PTPN13: variants seen among roughly 807,000 people sequenced by gnomAD.
The protein encoded by PTPN13 is protein tyrosine phosphatase non-receptor type 13.
Under a neutral mutation model 284.0 loss-of-function variants are expected in PTPN13, and 191 were observed. That is an observed-to-expected ratio of 0.67 (90% CI 0.60 to 0.76). The LOEUF (loss-of-function observed/expected upper bound fraction) is 0.76. Ranked by LOEUF, PTPN13 falls within the 30% of genes least tolerant of loss-of-function variation. The pLI is 0.00. For missense variants in PTPN13, 2,797 were observed against 2,939.9 expected, an observed-to-expected ratio of 0.95 and a Z score of 1.12; for synonymous variants, 986 against 1,022.3, an observed-to-expected ratio of 0.96 and a Z score of 0.68.
intron 6 of PTPN13, among the ~76,000 whole-genome samples, chr4:86,696,024 AG>A (rs929409871): frequency 1.3e-5 from 2 of 152,022 alleles, no homozygotes; most frequent in African/African-American, 4.8e-5. Context: ...AACATAATTT[AG>A]ATTTTATTAC....
At chr4:86,626,968 A>G (rs531830651) in intron 1 of PTPN13, among the ~76,000 whole-genome samples, 2 of 152,270 alleles carry the variant, frequency 1.3e-5, no homozygotes, top group East Asian at 3.9e-4. Context: ...AATGTTCTAA[A>G]CAGGTGAATG....
chr4:86,778,229 T>C (rs1740873175), intron 35 of PTPN13, among the ~76,000 whole-genome samples: 1 of 152,264 alleles, frequency 6.6e-6, no homozygotes, highest in Non-Finnish European at 1.5e-5. Context: ...CCTTGGTTTA[T>C]GACTTCCTTC....
chr4:86,691,378 T>C (rs1730011002), intron 5 of PTPN13, among the ~76,000 whole-genome samples: 1 of 152,048 alleles, frequency 6.6e-6, no homozygotes, highest in South Asian at 2.1e-4. Flanking sequence ...GGGTGTATTG[T>C]GGGGTTATTT....
intron 1 of PTPN13, among the ~76,000 whole-genome samples, chr4:86,605,266 A>G (rs1764649964): frequency 6.6e-6 from 1 of 151,964 alleles, no homozygotes; most frequent in Non-Finnish European, 1.5e-5. Flanking sequence ...AGGCTAAAGA[A>G]AAGTAGAACA....
chr4:86,714,900 G>A (rs1410081451), intron 7 of PTPN13, among the ~76,000 whole-genome samples: 1 of 152,130 alleles, frequency 6.6e-6, no homozygotes, highest in Non-Finnish European at 1.5e-5. Context: ...TAGTGTAAGA[G>A]TTGCAATTAA....
intron 3 of PTPN13, among the ~76,000 whole-genome samples, chr4:86,681,800 T>C (rs1366081379): frequency 1.3e-5 from 2 of 151,942 alleles, no homozygotes; most frequent in Non-Finnish European, 2.9e-5. Context: ...TGGTGGCAGG[T>C]GCCTGTAATC....
At chr4:86,704,260 G>A (rs936365393) in intron 7 of PTPN13, among the ~76,000 whole-genome samples, 30 of 152,040 alleles carry the variant, frequency 2.0e-4, no homozygotes, top group Admixed American at 7.2e-4. Flanking sequence ...TTGATATTTG[G>A]TAAATTAGTA....
chr4:86,781,653 T>G (rs988997328), intron 36 of PTPN13, among the ~76,000 whole-genome samples: 5 of 152,204 alleles, frequency 3.3e-5, no homozygotes, highest in African/African-American at 1.2e-4. Context: ...CAGCCCAAAC[T>G]GAGCTTTGAT....
chr4:86,726,557 T>C (rs1277795702), intron 10 of PTPN13, among the ~76,000 whole-genome samples: 2 of 149,002 alleles, frequency 1.3e-5, no homozygotes, highest in Non-Finnish European at 3.0e-5. Context: ...AATTCCTAGG[T>C]ATTTTATTTT....
chr4:86,774,781 TGTATACATGAA>T (rs1303669686), intron 33 of PTPN13, among the ~76,000 whole-genome samples: 2 of 151,590 alleles, frequency 1.3e-5, no homozygotes, highest in Non-Finnish European at 2.9e-5. Context: ...TTGTTACATA[TGTATACATGAA>T]CCGTGTTGGT....
Position 86,751,102 on chromosome 4 carries a change from C to A in PTPN13, c.3144C>A (p.Asp1048Glu). The change falls in exon 19 of 48, where the codon GAC becomes GAA. Residue 1048 changes from aspartate (D) to glutamate (E), a missense_variant. Asp to Glu is a conservative substitution (Grantham distance 45). Transcript: ENST00000411767. The part of the protein sequence containing the change: ...KHESDSSSIE[D>E]PGQAYVLGMT... ...AATCAGACTCCTCATCCATTGAAGACCCTGGGCAAGCATATGTTCTAGGTC... is the reference window on the plus strand; with the variant it reads ...AATCAGACTCCTCATCCATTGAAGAACCTGGGCAAGCATATGTTCTAGGTC... The A allele has an allele frequency of 6.2e-7, 1 of 1,602,236 alleles. No homozygotes were observed. The highest frequency in any genetic ancestry group is 8.5e-7 in the Non-Finnish European group (1 of 1,169,654).
intron 2 of PTPN13, among the ~76,000 whole-genome samples, chr4:86,660,030 A>C (rs1474162523): frequency 6.6e-6 from 1 of 152,200 alleles, no homozygotes; most frequent in Admixed American, 6.5e-5. Context: ...GAAGGAAGTA[A>C]AAGGTTCAAG....
chr4:86,755,359 T>TAA (rs3035340), intron 20 of PTPN13, among the ~76,000 whole-genome samples: 12,223 of 146,542 alleles, frequency 0.083, 624 homozygotes, highest in Non-Finnish European at 0.11. Context: ...TTGCTCAACT[T>TAA]AAAAAAAAAA....
intron 14 of PTPN13, 57 bp downstream of exon 14, chr4:86,734,932 T>C: frequency 1.3e-6 from 2 of 1,562,678 alleles, no homozygotes; most frequent in Non-Finnish European, 1.7e-6. Context: ...ACCTTTAACA[T>C]AGTTAATGAC....
intron 9 of PTPN13, among the ~76,000 whole-genome samples, chr4:86,719,626 G>A (rs985065396): frequency 3.6e-4 from 54 of 152,012 alleles, no homozygotes; most frequent in African/African-American, 1.0e-3. Flanking sequence ...CTGCAACCTC[G>A]TCAGCATCTG....
At chr4:86,654,159 A>G (rs1489305318) in intron 2 of PTPN13, among the ~76,000 whole-genome samples, 1 of 152,244 alleles carries the variant, frequency 6.6e-6, no homozygotes, top group African/African-American at 2.4e-5. Context: ...GAAGGCAAGA[A>G]ATAACTAAGA....
chr4:86,625,982 CAT>C (rs1721790213), intron 1 of PTPN13, among the ~76,000 whole-genome samples: 1 of 152,086 alleles, frequency 6.6e-6, no homozygotes, highest in Non-Finnish European at 1.5e-5. Context: ...ATGATCTTAA[CAT>C]AAGTCTGTAG....
chr4:86,617,780 T>C (rs1720738980), intron 1 of PTPN13, among the ~76,000 whole-genome samples: 1 of 152,228 alleles, frequency 6.6e-6, no homozygotes, highest in Non-Finnish European at 1.5e-5. Context: ...ATGGGGTTTT[T>C]TTTCTTGTAA....
chr4:86,715,233 TAC>T lies in PTPN13; in HGVS notation c.1196-1296_1196-1295del, dbSNP rs1491443545. 2.7e-5 allele frequency among the ~76,000 whole-genome samples: 4 copies of T among 148,236 alleles called. No homozygotes were observed. The East Asian group carries it at 8.4e-4, about 31-fold the overall frequency. On this transcript the variant is annotated intron_variant, in intron 7 of 47. Coordinates refer to ENST00000411767, the MANE Select transcript of PTPN13 (RefSeq NM_080683.3). ...GTTTGTGTGTATGTGTGTGTGTATATACGTGTGTGTGTATATATGTGTATATA... is the reference window on the plus strand; with the variant it reads ...GTTTGTGTGTATGTGTGTGTGTATATGTGTGTGTGTATATATGTGTATATA...
Sources: gnomAD v4.1 joint callset for allele counts (sites outside exome capture counted in the v4.1 genomes callset) on GRCh38, gnomAD v4.1.1 for gene constraint, MANE v1.5 for transcripts, NCBI Gene and HGNC (gene_info 2026-07-23, HGNC 2026-07-21) for gene names.